The following PPT1 variants were observed in gnomAD, a reference collection of about 807,000 sequenced individuals.
PPT1 encodes ceroid-palmitoyl-palmitoyl-protein thioesterase 1.
PPT1 carries 24 observed loss-of-function variants against 44.0 expected under a neutral mutation model. The observed-to-expected ratio is 0.54, with a 90% CI of 0.39 to 0.77. The LOEUF (loss-of-function observed/expected upper bound fraction) is 0.77, where lower values mean the gene tolerates loss of function less well. PPT1 is among the 30% of genes least tolerant of loss of function. The pLI, the probability that PPT1 is intolerant of heterozygous loss-of-function variation, is 0.00. For synonymous variants in PPT1, 148 were observed against 140.2 expected, an observed-to-expected ratio of 1.06 and a Z score of -0.39; for missense variants, 341 against 378.8, an observed-to-expected ratio of 0.90 and a Z score of 0.83.
In PPT1 at chr1:40,075,477, C is replaced by CTTT. The variant is rs5773686; in HGVS notation, c.799-1297_799-1295dup. 6.9e-5 allele frequency among the ~76,000 whole-genome samples: 10 copies of CTTT among 144,740 alleles called. 1 individual carries two copies. Among genetic ancestry groups the CTTT allele is most frequent in the East Asian group, 2.0e-4 (1 of 4,948 alleles). The allele number at this position is 144,740 out of a possible 152,430, so 95.0% of individuals were successfully genotyped here. A position where few individuals can be genotyped will look rare whatever the true frequency, so the allele number is the denominator to read the frequency against. On this transcript the variant is annotated intron_variant, in intron 8 of 8. Transcript: ENST00000642050. ...AGTTCTTAGCTGTAATTTCTCAAGCCTTTTTTTTTTTTTTTCTCAAATCAG... is the reference window on the plus strand; with the variant it reads ...AGTTCTTAGCTGTAATTTCTCAAGCCTTTTTTTTTTTTTTTTTTCTCAAATCAG...
intron 5 of PPT1, among the ~76,000 whole-genome samples, chr1:40,086,869 A>G (rs570240198): frequency 2.6e-5 from 4 of 152,118 alleles, no homozygotes; most frequent in Middle Eastern, 3.4e-3. Flanking sequence ...TCTAGGCCCT[A>G]TGAGGCTTTA....
intron 5 of PPT1, among the ~76,000 whole-genome samples, chr1:40,081,584 A>G (rs1305819741): frequency 6.6e-6 from 1 of 151,896 alleles, no homozygotes; most frequent in African/African-American, 2.4e-5. Context: ...TAAAATTAAG[A>G]GGGGAGTTTC....
intron 5 of PPT1, among the ~76,000 whole-genome samples, chr1:40,084,572 T>C (rs186219846): frequency 2.3e-4 from 35 of 152,226 alleles, no homozygotes; most frequent in Non-Finnish European, 3.8e-4. Flanking sequence ...GCCACCCCAA[T>C]GTGGGCAGCA....
chr1:40,074,502 C>T (rs1480886960), intron 8 of PPT1, among the ~76,000 whole-genome samples: 2 of 138,034 alleles, frequency 1.4e-5, no homozygotes, highest in African/African-American at 2.7e-5. Context: ...GAGTCTTGCT[C>T]GGTTGCTTAG....
chr1:40,074,024 AG>A lies in PPT1; in HGVS notation c.*36del. The A allele has an allele frequency of 6.2e-6, 10 of 1,613,114 alleles. No homozygotes were observed. Among genetic ancestry groups the A allele is most frequent in the Non-Finnish European group, 8.5e-6 (10 of 1,179,718 alleles). On this transcript the variant is annotated 3_prime_UTR_variant, in exon 9 of 9. Transcript: ENST00000642050. ...GTCTCCCATGTGGTTTGGAAGAGTT[AG>A]GGGCTCCCTGAGCTCTATTGTGAAC... is the stretch of plus-strand genomic sequence containing the variant.
chr1:40,078,451 C>G, intron 7 of PPT1, 109 bp downstream of exon 7: 1 of 1,114,028 alleles, frequency 9.0e-7, no homozygotes, highest in Non-Finnish European at 1.4e-6. Context: ...ATCCACCCGC[C>G]TTGGCCTCCC....
intron 5 of PPT1, among the ~76,000 whole-genome samples, chr1:40,084,941 G>A (rs898968356): frequency 6.6e-6 from 1 of 152,150 alleles, no homozygotes; most frequent in African/African-American, 2.4e-5. Context: ...AGCGGACCGT[G>A]GTCTAGTGGT....
chr1:40,096,717 T>C (rs1265266086), intron 1 of PPT1: 1 of 215,858 alleles, frequency 4.6e-6, no homozygotes. Context: ...AATTTGTAAA[T>C]GAACTGTAGG....
intron 5 of PPT1, among the ~76,000 whole-genome samples, chr1:40,084,413 G>C (rs992405237): frequency 6.6e-6 from 1 of 152,304 alleles, no homozygotes; most frequent in South Asian, 2.1e-4. Context: ...GCAGCGGCAG[G>C]GTTTGAGGAT....
chr1:40,096,632 G>GTA lies in PPT1; in HGVS notation c.124+481_124+482dup, dbSNP rs544423156. ...TTGGGTCCCACCCCCCAGATCTCTT[G>GTA]TATATATGCAAATATTAAAAAAAAA... On this transcript the variant is annotated intron_variant, in intron 1 of 8. Transcript: ENST00000642050. Among the ~76,000 whole-genome samples, 45 of 150,864 alleles carry GTA rather than the reference G, an allele frequency of 3.0e-4. 1 individual carries two copies. In the South Asian group the frequency reaches 9.2e-3, roughly 31 times the overall value.
intron 5 of PPT1, among the ~76,000 whole-genome samples, chr1:40,088,049 T>G (rs1649354416): frequency 6.6e-6 from 1 of 152,206 alleles, no homozygotes; most frequent in South Asian, 2.1e-4. Flanking sequence ...AAAGTTGTTA[T>G]TTGACAAGAA....
At chr1:40,089,297 A>AAAAAAAAAAAAAAT in intron 5 of PPT1, 113 bp downstream of exon 5, 1 of 616,448 alleles carries the variant, frequency 1.6e-6, no homozygotes, top group Non-Finnish European at 2.9e-6. Context: ...AAAAAAAAAG[A>AAAAAAAAAAAAAAT]TCTCATTTGA....
Position 40,073,928 on chromosome 1 carries a change from AG to A in PPT1, c.*132del, listed in dbSNP as rs2124465257. The A allele has an allele frequency of 8.5e-7, 1 of 1,181,364 alleles. No individual in the cohort carries two copies. The highest frequency in any genetic ancestry group is 1.5e-5 in the African/African-American group (1 of 66,006). 73.2% of individuals were successfully genotyped at this position (1,181,364 alleles called of 1,614,324 possible). ...ATTCAGATCTTAGATCTTTCCAAGT[AG>A]GGCATGTTAGATGATAGAAGGATTA... On this transcript the variant is annotated 3_prime_UTR_variant, in exon 9 of 9. Transcript: ENST00000642050.
intron 1 of PPT1, among the ~76,000 whole-genome samples, chr1:40,094,912 C>T (rs2124491582): frequency 6.6e-6 from 1 of 152,274 alleles, no homozygotes; most frequent in South Asian, 2.1e-4. Context: ...TACCCTGTGT[C>T]CTCTTTTGAC....
intron 4 of PPT1, among the ~76,000 whole-genome samples, chr1:40,089,890 A>T (rs1649462918): frequency 6.6e-6 from 1 of 151,550 alleles, no homozygotes; most frequent in Admixed American, 6.6e-5. Flanking sequence ...CATCAATAAC[A>T]TTGTTTTGAG....
At position 40,092,490 on chromosome 1, in the gene PPT1, G is replaced by A. The variant is rs1466170818; in HGVS notation, c.142C>T (p.Pro48Ser). ...TTTTTAATAGCACCCATGCTTAAGG[G>A]ATTGCAACAGCTGTCTCCTAGCCAA... ...WHGMGDSCCN[P>S]LSMGAIKKMV... The change falls in exon 2 of 9, where the codon CCC becomes TCC. Residue 48 changes from proline to serine, a missense_variant. Coordinates refer to ENST00000642050, the MANE Select transcript of PPT1 (RefSeq NM_000310.4). 1 of 1,612,322 alleles carries A rather than the reference G, an allele frequency of 6.2e-7. No individual in the cohort carries two copies. Among genetic ancestry groups the A allele is most frequent in the South Asian group, 1.1e-5 (1 of 91,048 alleles).
chr1:40,078,825 T>C lies in PPT1; in HGVS notation c.628-167A>G, dbSNP rs758461584. 21 of 652,336 alleles carry C rather than the reference T, an allele frequency of 3.2e-5. No individual in the cohort carries two copies. In the South Asian group the frequency reaches 3.3e-4, roughly 10 times the overall value. 40.4% of individuals were successfully genotyped at this position (652,336 alleles called of 1,614,324 possible). ...ACCAGGATATACCTGTACAGCTTTT[T>C]TTTTTCTTTTTTTCTAAAAAACAAA... is the stretch of plus-strand genomic sequence containing the variant. On this transcript the variant is annotated intron_variant, in intron 6 of 8. Coordinates refer to ENST00000642050, the MANE Select transcript of PPT1 (RefSeq NM_000310.4).
At chr1:40,092,755 T>G (rs1292629194) in intron 1 of PPT1, among the ~76,000 whole-genome samples, 1 of 152,088 alleles carries the variant, frequency 6.6e-6, no homozygotes, top group Non-Finnish European at 1.5e-5. Context: ...ACAGATATTT[T>G]TCCAAAGAAG....
chr1:40,089,447 G>A lies in PPT1; in HGVS notation c.499C>T (p.Leu167=), dbSNP rs1263303183. ...ACTTTGGAGTACGCCCCAGCATTCA[G>A]TGTTTTTCGGATGAAGTCACAGATG... ...SHICDFIRKT[L]NAGAYSKVVQ... Residue 167 remains leucine (L), a synonymous_variant, in exon 5 of 9, where the codon CTG becomes TTG. Transcript: ENST00000642050. The A allele has an allele frequency of 1.2e-6, 2 of 1,613,986 alleles. No homozygotes were observed. The highest frequency in any genetic ancestry group is 3.3e-5 in the Admixed American group (2 of 59,988).
Sources: gnomAD v4.1 joint callset for allele counts (sites outside exome capture counted in the v4.1 genomes callset) on GRCh38, gnomAD v4.1.1 for gene constraint, MANE v1.5 for transcripts, NCBI Gene and HGNC (gene_info 2026-07-23, HGNC 2026-07-21) for gene names.